Variants in LRP1B observed in about 807,000 individuals in gnomAD.
LRP1B encodes the protein low-density lipoprotein receptor-related protein 1B.
A neutral mutation model predicts 556.6 loss-of-function variants in LRP1B; 217 were observed. The observed-to-expected ratio is 0.39, with a 90% confidence interval of 0.35 to 0.44. The LOEUF is 0.44. Ranked by LOEUF, LRP1B falls within the 20% of genes least tolerant of loss-of-function variation. LRP1B has a pLI of 1.00. For missense variants in LRP1B, 5,053 were observed against 5,620.8 expected (o/e 0.90, Z 3.23); for synonymous variants, 2,047 against 1,865.8 (o/e 1.10, Z -2.50).
rs187968069 is a variant in LRP1B at position 142,126,070 on chromosome 2, C to T, written c.82+4578G>A. ...CTTTGGCTTTATTTTCTTTAGCATT[C>T]TGCTACTAAATGTATTGCTTCAAAT... is the stretch of plus-strand genomic sequence containing the variant. On this transcript the variant is annotated intron_variant, in intron 1 of 90. Transcript: ENST00000389484. Among the ~76,000 whole-genome samples the T allele has an allele frequency of 3.1e-3, 470 of 151,926 alleles. 1 individual carries two copies. Among genetic ancestry groups the T allele is most frequent in the Middle Eastern group, 0.01 (3 of 294 alleles).
chr2:140,935,497 G>A (rs183037442), intron 20 of LRP1B, among the ~76,000 whole-genome samples: 2 of 151,998 alleles, frequency 1.3e-5, no homozygotes, highest in African/African-American at 4.8e-5. Context: ...CTGAGGAAAA[G>A]AGGGAAAAAA....
At chr2:140,557,950 C>T (rs1030850987) in intron 43 of LRP1B, among the ~76,000 whole-genome samples, 7 of 152,096 alleles carry the variant, frequency 4.6e-5, no homozygotes, top group Non-Finnish European at 8.8e-5. Flanking sequence ...AGTTCAGTGA[C>T]GAAGCCTAAG....
intron 3 of LRP1B, among the ~76,000 whole-genome samples, chr2:141,426,249 T>C (rs1030199236): frequency 2.6e-5 from 4 of 151,842 alleles, no homozygotes; most frequent in South Asian, 4.2e-4. Context: ...GGCGTTATTT[T>C]TGAGGGCTCT....
intron 41 of LRP1B, chr2:140,683,844 C>A: frequency 4.7e-6 from 3 of 631,908 alleles, no homozygotes; most frequent in Non-Finnish European, 8.5e-6. Flanking sequence ...GCAGCCGACC[C>A]CGAAACAGCT....
chr2:142,073,719 G>A (rs1705402385), intron 1 of LRP1B, among the ~76,000 whole-genome samples: 1 of 152,154 alleles, frequency 6.6e-6, no homozygotes, highest in South Asian at 2.1e-4. Flanking sequence ...TGGAGATGAG[G>A]CCTGGTGGGA....
In LRP1B at chr2:140,358,924, C is replaced by T. The variant is rs544495107; in HGVS notation, c.11154G>A (p.Thr3718=). The T allele has an allele frequency of 6.7e-5, 108 of 1,607,558 alleles. No individual in the cohort carries two copies. The South Asian group carries it at 1.0e-3, about 15-fold the overall frequency. ...DMCVKFLCPS[T]RPHRCRNNRI... is the part of the protein sequence containing the mutation. ...TGTTATTTCTGCATCTGTGAGGTCT[C>T]GTGGATGGACAAAGAAATTTGACTG... The change falls in exon 73 of 91, where the codon ACG becomes ACA. Residue 3718 remains threonine (T), a synonymous_variant. Coordinates refer to ENST00000389484, the MANE Select transcript of LRP1B (RefSeq NM_018557.3).
intron 25 of LRP1B, among the ~76,000 whole-genome samples, chr2:140,869,269 A>T (rs6755167): frequency 0.02 from 3,077 of 152,218 alleles, 100 homozygotes; most frequent in African/African-American, 0.069. Flanking sequence ...GTATGCATGT[A>T]CTTTATTCCT....
intron 1 of LRP1B, among the ~76,000 whole-genome samples, chr2:141,939,509 AT>A (rs771454563): frequency 1.4e-4 from 22 of 152,088 alleles, no homozygotes; most frequent in Non-Finnish European, 2.2e-4. Context: ...TAATTACAAA[AT>A]TTTCAGGAAT....
chr2:141,334,600 G>A lies in LRP1B; in HGVS notation c.344-79959C>T, dbSNP rs142773703. Reference sequence around the variant, plus strand: ...AGACTCTTGCTTTGTCACCCAGGCTGGAGTGTAGTGGCACCATCTTGGCTC... The same window carrying A: ...AGACTCTTGCTTTGTCACCCAGGCTAGAGTGTAGTGGCACCATCTTGGCTC... On this transcript the variant is annotated intron_variant, in intron 3 of 90. Coordinates refer to ENST00000389484, the MANE Select transcript of LRP1B (RefSeq NM_018557.3). Among the ~76,000 whole-genome samples the A allele has an allele frequency of 8.2e-3, 1,249 of 152,310 alleles. 13 individuals are homozygous for A. Among genetic ancestry groups the A allele is most frequent in the African/African-American group, 0.026 (1,082 of 41,576 alleles).
chr2:140,831,891 C>T (rs966235297), intron 31 of LRP1B, among the ~76,000 whole-genome samples: 3 of 152,094 alleles, frequency 2.0e-5, no homozygotes, highest in Non-Finnish European at 4.4e-5. Flanking sequence ...AAAAGACACA[C>T]AATTGGCCAA....
intron 2 of LRP1B, among the ~76,000 whole-genome samples, chr2:141,519,556 G>A (rs140933546): frequency 1.5e-3 from 233 of 151,948 alleles, no homozygotes; most frequent in African/African-American, 5.4e-3. Flanking sequence ...CAACTCTTCA[G>A]TGGAAGAATT....
intron 62 of LRP1B, among the ~76,000 whole-genome samples, chr2:140,451,371 GC>G (rs1686880124): frequency 6.6e-6 from 1 of 152,142 alleles, no homozygotes; most frequent in Non-Finnish European, 1.5e-5. Flanking sequence ...ACTAAATAGG[GC>G]TAAAAGCTAT....
intron 2 of LRP1B, among the ~76,000 whole-genome samples, chr2:141,669,954 C>T (rs1240066122): frequency 6.6e-6 from 1 of 152,022 alleles, no homozygotes; most frequent in African/African-American, 2.4e-5. Context: ...GGGGTTTCAC[C>T]ATGTTGGTCA....
intron 25 of LRP1B, among the ~76,000 whole-genome samples, chr2:140,872,082 ATTTT>A (rs35149993): frequency 3.7e-5 from 4 of 109,574 alleles, no homozygotes; most frequent in Admixed American, 1.9e-4. Flanking sequence ...AGGACCTTGT[ATTTT>A]TTTTTTTTTT....
In LRP1B at chr2:140,889,521, C is replaced by A. The variant is rs1034118137; in HGVS notation, c.3767-3186G>T. Among the ~76,000 whole-genome samples the A allele has an allele frequency of 1.9e-4, 29 of 152,140 alleles. 1 individual carries two copies. The highest frequency in any genetic ancestry group is 2.0e-4 in the Admixed American group (3 of 15,268). ...ATGTTGGCCAGGATGGTCTTGAACT[C>A]CTGCCCCTCAAGTGATTCACCTGCC... On this transcript the variant is annotated intron_variant, in intron 23 of 90. Transcript: ENST00000389484.
chr2:141,804,093 G>T (rs1328366554), intron 2 of LRP1B, among the ~76,000 whole-genome samples: 3 of 152,030 alleles, frequency 2.0e-5, no homozygotes, highest in African/African-American at 7.2e-5. Context: ...CAAAGCCAGT[G>T]TGAAACAATC....
intron 23 of LRP1B, among the ~76,000 whole-genome samples, chr2:140,894,066 C>G (rs1326420533): frequency 6.6e-6 from 1 of 152,112 alleles, no homozygotes; most frequent in Non-Finnish European, 1.5e-5. Context: ...GTAAATGTGT[C>G]ATTTTTTAAA....
chr2:141,010,272 G>C (rs923541123), intron 14 of LRP1B, among the ~76,000 whole-genome samples: 1 of 151,910 alleles, frequency 6.6e-6, no homozygotes, highest in African/African-American at 2.4e-5. Context: ...CACAATTGCT[G>C]CTCTTTATAT....
At chr2:141,663,637 G>A (rs1272612144) in intron 2 of LRP1B, among the ~76,000 whole-genome samples, 4 of 152,094 alleles carry the variant, frequency 2.6e-5, no homozygotes. Context: ...GACAGAACCA[G>A]GAAGAAGTTG....
Sources: gnomAD v4.1 joint callset for allele counts (sites outside exome capture counted in the v4.1 genomes callset) on GRCh38, gnomAD v4.1.1 for gene constraint, MANE v1.5 for transcripts, NCBI Gene and HGNC (gene_info 2026-07-23, HGNC 2026-07-21) for gene names.